Variants in CACNA1B observed in about 807,000 individuals in gnomAD.
CACNA1B encodes the protein voltage-dependent N-type calcium channel subunit alpha-1B.
CACNA1B carries 70 observed loss-of-function variants against 247.2 expected under a neutral mutation model. That is an observed-to-expected ratio of 0.28 (90% CI 0.23 to 0.35). The LOEUF is 0.35. CACNA1B is among the 10% of genes least tolerant of loss of function. The pLI is 1.00. For synonymous variants in CACNA1B, 1,231 were observed against 1,294.4 expected (o/e 0.95, Z 1.05); for missense variants, 2,367 against 3,197.4 (o/e 0.74, Z 6.26).
At chr9:138,060,365 G>A (rs754388134) in intron 31 of CACNA1B, among the ~76,000 whole-genome samples, 1 of 152,174 alleles carries the variant, frequency 6.6e-6, no homozygotes, top group African/African-American at 2.4e-5. Context: ...GCACTCATGT[G>A]AAATTTATTT....
intron 39 of CACNA1B, among the ~76,000 whole-genome samples, chr9:138,111,992 A>G (rs1189174190): frequency 1.3e-5 from 2 of 151,484 alleles, no homozygotes; most frequent in African/African-American, 4.9e-5. Flanking sequence ...AGCGTTGTCA[A>G]CTCCAGAAGG....
At position 137,971,404 on chromosome 9, in the gene CACNA1B, G is replaced by A. The variant is rs1230489697; in HGVS notation, c.1355G>A (p.Ser452Asn). ...CAVGSPFARA[S>N]LKSGKTESSS... ...TCAGGATCCCCCTTCGCCCGCGCCAGCCTCAAGAGCGGGAAGACAGAGAGC... is the reference window on the plus strand; with the variant it reads ...TCAGGATCCCCCTTCGCCCGCGCCAACCTCAAGAGCGGGAAGACAGAGAGC... Residue 452 changes from serine to asparagine, a missense_variant, in exon 11 of 47, where the codon AGC becomes AAC. By Grantham distance (46) the Ser-to-Asn change is conservative. This residue lies in a region of CACNA1B where 219 missense variants were observed against 297.6 expected (regional missense o/e 0.74). Coordinates refer to ENST00000371372, the MANE Select transcript of CACNA1B (RefSeq NM_000718.4). The surrounding 1 kb of genome is among the most constrained non-coding windows in gnomAD (Gnocchi z 4.4). 1 of 1,612,986 alleles carries A rather than the reference G, an allele frequency of 6.2e-7. No homozygotes were observed. Among genetic ancestry groups the A allele is most frequent in the African/African-American group, 1.3e-5 (1 of 75,030 alleles).
chr9:138,122,062 T>A lies in CACNA1B; in HGVS notation c.*63T>A. 6.9e-7 allele frequency: 1 copy of A among 1,454,174 alleles called. No individual in the cohort carries two copies. Among genetic ancestry groups the A allele is most frequent in the Non-Finnish European group, 9.2e-7 (1 of 1,085,308 alleles). 90.1% of individuals were successfully genotyped at this position (1,454,174 alleles called of 1,614,324 possible). ...CGTGTGTTCCAGTGGATGAGTTTTA[T>A]CATCCACACGGGGCAGCCGGCCCTC... On this transcript the variant is annotated 3_prime_UTR_variant, in exon 47 of 47. Coordinates refer to ENST00000371372, the MANE Select transcript of CACNA1B (RefSeq NM_000718.4).
In CACNA1B at chr9:137,999,533, A is replaced by G. The variant is rs149016384; in HGVS notation, c.1975-7234A>G. ...AAAATAAACAAGTACTCTTAAAAAA[A>G]AAAGTGTCTTGCCCTGTCACCCAGG... On this transcript the variant is annotated intron_variant, in intron 15 of 46. Coordinates refer to ENST00000371372, the MANE Select transcript of CACNA1B (RefSeq NM_000718.4). Among the ~76,000 whole-genome samples the G allele has an allele frequency of 3.0e-4, 46 of 152,278 alleles. No individual in the cohort carries two copies. The East Asian group carries it at 8.7e-3, about 29-fold the overall frequency.
chr9:138,105,132 A>T (rs1348039314), intron 38 of CACNA1B, among the ~76,000 whole-genome samples: 1 of 152,222 alleles, frequency 6.6e-6, no homozygotes, highest in African/African-American at 2.4e-5. Context: ...GACATCGAGC[A>T]TCTCTCCCAG....
intron 20 of CACNA1B, among the ~76,000 whole-genome samples, chr9:138,037,227 G>A (rs1959057332): frequency 6.6e-6 from 1 of 152,232 alleles, no homozygotes; most frequent in Admixed American, 6.5e-5. Flanking sequence ...GGGCTTCTCA[G>A]CCTTGGAGCT....
chr9:137,906,036 G>C (rs1957295454), intron 3 of CACNA1B, among the ~76,000 whole-genome samples: 1 of 152,244 alleles, frequency 6.6e-6, no homozygotes, highest in Admixed American at 6.5e-5. Flanking sequence ...AGGCCTCAGA[G>C]GCCCAGTGGG....
At chr9:137,887,225 G>A (rs1364252181) in intron 3 of CACNA1B, among the ~76,000 whole-genome samples, 1 of 149,772 alleles carries the variant, frequency 6.7e-6, no homozygotes, top group Admixed American at 6.6e-5. Context: ...TCTGAGGCAG[G>A]AGCTGGTCCA....
chr9:138,050,096 T>C lies in CACNA1B; in HGVS notation c.3710+781T>C. The C allele has an allele frequency of 7.8e-7, 1 of 1,288,926 alleles. No homozygotes were observed. Among genetic ancestry groups the C allele is most frequent in the Non-Finnish European group, 1.0e-6 (1 of 988,098 alleles). 79.8% of individuals were successfully genotyped at this position (1,288,926 alleles called of 1,614,324 possible). On this transcript the variant is annotated intron_variant, in intron 24 of 46. Coordinates refer to ENST00000371372, the MANE Select transcript of CACNA1B (RefSeq NM_000718.4). This position sits in a 1 kb window ranked among gnomAD's most constrained non-coding sequence, Gnocchi z 5.2. ...GCAGGAGCTTCGTGGGGTAATGCCT[T>C]CTCTCCCCCACACGCTGCCCCTGAC...
intron 20 of CACNA1B, chr9:138,032,647 A>G: frequency 2.2e-6 from 1 of 453,444 alleles, no homozygotes; most frequent in South Asian, 1.6e-5. Flanking sequence ...TTCAGTGGGT[A>G]TAGAATTTTG....
At chr9:137,878,778 C>G (rs998020890) in intron 1 of CACNA1B, among the ~76,000 whole-genome samples, 12 of 152,144 alleles carry the variant, frequency 7.9e-5, no homozygotes, top group African/African-American at 2.7e-4. Context: ...CGGGCGGAGC[C>G]GGGCCGGAGG....
chr9:137,957,714 C>T lies in CACNA1B; in HGVS notation c.1333+27C>T. Reference sequence around the variant, plus strand: ...TGAGTCTCAGGGTGTCCCTCCAGCTCTGCCAGGCTTGAGCTGGACATGGAG... The same window carrying T: ...TGAGTCTCAGGGTGTCCCTCCAGCTTTGCCAGGCTTGAGCTGGACATGGAG... On this transcript the variant is annotated intron_variant, in intron 10 of 46. Coordinates refer to ENST00000371372, the MANE Select transcript of CACNA1B (RefSeq NM_000718.4). This position sits in a 1 kb window ranked among gnomAD's most constrained non-coding sequence, Gnocchi z 4.7. 2.0e-6 allele frequency: 3 copies of T among 1,511,718 alleles called. No individual in the cohort carries two copies. The South Asian group carries it at 3.7e-5, about 19-fold the overall frequency. The allele number at this position is 1,511,718 out of a possible 1,614,324, so 93.6% of individuals were successfully genotyped here. A position where few individuals can be genotyped will look rare whatever the true frequency, so the allele number is the denominator to read the frequency against.
At chr9:137,940,030 C>T (rs1005379290) in intron 6 of CACNA1B, among the ~76,000 whole-genome samples, 1 of 151,584 alleles carries the variant, frequency 6.6e-6, no homozygotes, top group Non-Finnish European at 1.5e-5. Flanking sequence ...GAAACAAGAA[C>T]AAATCAAACC....
chr9:137,971,096 G>A lies in CACNA1B; in HGVS notation c.1334-287G>A, dbSNP rs1203310060. 6.6e-6 allele frequency among the ~76,000 whole-genome samples: 1 copy of A among 152,108 alleles called. No homozygotes were observed. The highest frequency in any genetic ancestry group is 1.9e-4 in the East Asian group (1 of 5,190). The stretch of plus-strand genomic sequence containing the variant: ...ATGGAGAGTGGCCTGGGGGCATCAG[G>A]GCTGTGCTCCTAGAAGGTGGCTGGG... On this transcript the variant is annotated intron_variant, in intron 10 of 46. Transcript: ENST00000371372. This position sits in a 1 kb window ranked among gnomAD's most constrained non-coding sequence, Gnocchi z 4.4.
intron 35 of CACNA1B, among the ~76,000 whole-genome samples, chr9:138,077,391 C>A (rs1315280698): frequency 1.3e-5 from 2 of 152,128 alleles, no homozygotes; most frequent in Non-Finnish European, 2.9e-5. Context: ...GGCCAGGGTG[C>A]TTGGAGTGGA....
chr9:137,987,761 AGAG>A (rs908337579), intron 15 of CACNA1B, among the ~76,000 whole-genome samples: 28 of 152,276 alleles, frequency 1.8e-4, no homozygotes, highest in Non-Finnish European at 2.8e-4. Context: ...ATTGGCTCAA[AGAG>A]GAGTTCTGTC....
intron 6 of CACNA1B, among the ~76,000 whole-genome samples, chr9:137,928,871 A>G (rs1957579891): frequency 1.3e-5 from 2 of 152,214 alleles, no homozygotes; most frequent in Admixed American, 1.3e-4. Flanking sequence ...TATAAATGGA[A>G]TCATACAATC....
At chr9:138,000,519 A>G (rs1021591470) in intron 15 of CACNA1B, among the ~76,000 whole-genome samples, 1 of 152,224 alleles carries the variant, frequency 6.6e-6, no homozygotes, top group Non-Finnish European at 1.5e-5. Context: ...TTCTCTTCCT[A>G]TCTTTCTGCC....
chr9:138,120,522 C>T (rs551343862), intron 45 of CACNA1B, 109 bp from the exon 46 acceptor site: 102 of 1,393,292 alleles, frequency 7.3e-5, no homozygotes, highest in Non-Finnish European at 9.3e-5. Flanking sequence ...GGCCCTAACC[C>T]TCACCCTAGC....
Sources: allele counts gnomAD v4.1 joint callset (sites outside exome capture counted in the v4.1 genomes callset), GRCh38; gene constraint gnomAD v4.1.1; regional missense constraint gnomAD v4.1.1; non-coding constraint Gnocchi (gnomAD v3.1); transcripts MANE v1.5; gene names NCBI Gene and HGNC (gene_info 2026-07-23, HGNC 2026-07-21).